Variants in C11orf58 observed in about 807,000 individuals in gnomAD.
The protein encoded by C11orf58 is chromosome 11 open reading frame 58.
C11orf58 carries 5 observed loss-of-function variants against 22.7 expected under a neutral mutation model. The observed-to-expected ratio is 0.22, with a 90% CI of 0.12 to 0.46. The LOEUF (loss-of-function observed/expected upper bound fraction) is 0.46. Ranked by LOEUF, C11orf58 falls within the 20% of genes least tolerant of loss-of-function variation. C11orf58 has a pLI of 0.99. For missense variants in C11orf58, 151 were observed against 223.3 expected, an observed-to-expected ratio of 0.68 and a Z score of 2.06; for synonymous variants, 71 against 70.7, an observed-to-expected ratio of 1.00 and a Z score of -0.02.
In C11orf58 at chr11:16,746,960, A is replaced by G. The variant is rs188106597; in HGVS notation, c.148-1137A>G. 1.3e-3 allele frequency: 204 copies of G among 152,364 alleles called. 1 individual carries two copies. The highest frequency in any genetic ancestry group is 3.4e-3 in the Middle Eastern group (1 of 294). The allele number at this position is 152,364 out of a possible 1,614,324, so 9.4% of individuals were successfully genotyped here. On this transcript the variant is annotated intron_variant, in intron 2 of 4. Transcript: ENST00000228136. ...CATAGATTAAATTCTTTGTGAGGCC[A>G]AGATTGTAGCTTTGATCTTCATATG...
At chr11:16,743,621 T>C (rs143721938) in intron 1 of C11orf58, among the ~76,000 whole-genome samples, 27 of 152,308 alleles carry the variant, frequency 1.8e-4, no homozygotes, top group Admixed American at 3.9e-4. Context: ...AAATGAAAAA[T>C]TGTGAATTCC....
rs1848584229 is a variant in C11orf58, at chr11:16,756,931, T to TAA, written c.*1828_*1829insAA. ...CTCAAAAAAAAAAAAAAAAAAAATTTAGAATGTGTTAGAGAAATTTAACAA... is the reference window on the plus strand; with the variant it reads ...CTCAAAAAAAAAAAAAAAAAAAATTTAAAGAATGTGTTAGAGAAATTTAACAA... On this transcript the variant is annotated 3_prime_UTR_variant, in exon 5 of 5. Transcript: ENST00000228136. The TAA allele has an allele frequency of 7.8e-6, 1 of 127,890 alleles. No homozygotes were observed. Among genetic ancestry groups the TAA allele is most frequent in the African/African-American group, 2.6e-5 (1 of 38,316 alleles). 7.9% of individuals were successfully genotyped at this position (127,890 alleles called of 1,614,324 possible). A position where few individuals can be genotyped will look rare whatever the true frequency, so the allele number is the denominator to read the frequency against.
intron 1 of C11orf58, among the ~76,000 whole-genome samples, chr11:16,744,057 A>G (rs1031181636): frequency 9.9e-5 from 15 of 151,924 alleles, no homozygotes; most frequent in Non-Finnish European, 1.6e-4. Context: ...TGCTAAAAAA[A>G]AAAAAAAAAA....
intron 4 of C11orf58, 66 bp from the exon 5 acceptor site, chr11:16,754,805 G>C (rs529032528): frequency 6.3e-7 from 1 of 1,583,038 alleles, no homozygotes; most frequent in Admixed American, 1.9e-5. Context: ...CAGAACTTAC[G>C]GTCTTTCTCA....
chr11:16,754,505 CTTTTTTCTTT>C (rs1320228173), intron 4 of C11orf58, among the ~76,000 whole-genome samples: 1 of 34,322 alleles, frequency 2.9e-5, no homozygotes, highest in African/African-American at 1.1e-4. Context: ...TAATTTTTTT[CTTTTTTCTTT>C]TTTTTTTTTT....
At chr11:16,746,765 G>A (rs965775978) in intron 2 of C11orf58, 5 of 152,120 alleles carry the variant, frequency 3.3e-5, no homozygotes, top group African/African-American at 1.2e-4. Flanking sequence ...GCAGTTCTCT[G>A]CCTCAGCCTC....
At position 16,744,700 on chromosome 11, in the gene C11orf58, T is replaced by G; in HGVS notation, c.147+16T>G. ...TGCAGGAAAGGTAAGCATCAGATGG[T>G]GTGCATTTTTACCTTTTCTGTGAAA... On this transcript the variant is annotated intron_variant, in intron 2 of 4. Transcript: ENST00000228136. 6.2e-7 allele frequency: 1 copy of G among 1,606,696 alleles called. No individual in the cohort carries two copies. Among genetic ancestry groups the G allele is most frequent in the Non-Finnish European group, 8.5e-7 (1 of 1,175,488 alleles).
intron 3 of C11orf58, chr11:16,751,285 A>G (rs61881966): frequency 0.23 from 34,940 of 152,100 alleles, 4,370 homozygotes; most frequent in Admixed American, 0.33. Flanking sequence ...CAGATCACTC[A>G]AGGCCAGGAG....
At position 16,757,313 on chromosome 11, in the gene C11orf58, T is replaced by G. The variant is rs1848588391; in HGVS notation, c.*2209T>G. Among the ~76,000 whole-genome samples the G allele has an allele frequency of 6.6e-6, 1 of 152,200 alleles. No homozygotes were observed. Among genetic ancestry groups the G allele is most frequent in the African/African-American group, 2.4e-5 (1 of 41,438 alleles). On this transcript the variant is annotated 3_prime_UTR_variant, in exon 5 of 5. Coordinates refer to ENST00000228136, the MANE Select transcript of C11orf58 (RefSeq NM_014267.6). Reference sequence around the variant, plus strand: ...AAGTATTTTCAGTTCATTATTTAAATGTTGGGTTGTTGATATGGTCTTGTT... The same window carrying G: ...AAGTATTTTCAGTTCATTATTTAAAGGTTGGGTTGTTGATATGGTCTTGTT...
Position 16,748,141 on chromosome 11 carries a change from A to T in C11orf58, c.192A>T (p.Thr64=). 6.2e-7 allele frequency: 1 copy of T among 1,612,976 alleles called. No homozygotes were observed. Among genetic ancestry groups the T allele is most frequent in the Non-Finnish European group, 8.5e-7 (1 of 1,179,084 alleles). ...TTGTTATAGGAGATCACAAATCAAC[A>T]TCTCACTTCCGAACCGGTAAGAAAG... The part of the protein sequence containing the change: ...GRLVIGDHKS[T]SHFRTGEEDK... Residue 64 remains threonine (T), a synonymous_variant, in exon 3 of 5, where the codon ACA becomes ACT. Transcript: ENST00000228136.
At chr11:16,753,014 T>C in intron 4 of C11orf58, 120 bp downstream of exon 4, 1 of 682,562 alleles carries the variant, frequency 1.5e-6, no homozygotes, top group South Asian at 2.1e-5. Context: ...TATGTAGTTA[T>C]CTTAAAAATA....
In C11orf58 at chr11:16,738,923, GC is replaced by G; in HGVS notation, c.63+83del. The G allele has an allele frequency of 2.7e-6, 4 of 1,503,492 alleles. No homozygotes were observed. The Admixed American group carries it at 6.9e-5, about 26-fold the overall frequency. 93.1% of individuals were successfully genotyped at this position (1,503,492 alleles called of 1,614,324 possible). Reference sequence around the variant, plus strand: ...CCGGGAAGGGTGGTTGGAGGAGGACGCGCCTGAGGTGGCCTGCAGCGGGAGA... The same window carrying G: ...CCGGGAAGGGTGGTTGGAGGAGGACGGCCTGAGGTGGCCTGCAGCGGGAGA... On this transcript the variant is annotated intron_variant, in intron 1 of 4. Coordinates refer to ENST00000228136, the MANE Select transcript of C11orf58 (RefSeq NM_014267.6).
At position 16,756,505 on chromosome 11, in the gene C11orf58, G is replaced by C. The variant is rs1240429439; in HGVS notation, c.*1401G>C. On this transcript the variant is annotated 3_prime_UTR_variant, in exon 5 of 5. Transcript: ENST00000228136. Reference sequence around the variant, plus strand: ...AGGATCGTCTCGATCTCCTGACCTCGTGATCCACCCACCTTGGCCTCCCAA... The same window carrying C: ...AGGATCGTCTCGATCTCCTGACCTCCTGATCCACCCACCTTGGCCTCCCAA... 6.6e-6 allele frequency: 1 copy of C among 151,698 alleles called. No homozygotes were observed. Among genetic ancestry groups the C allele is most frequent in the Non-Finnish European group, 1.5e-5 (1 of 67,994 alleles). 9.4% of individuals were successfully genotyped at this position (151,698 alleles called of 1,614,324 possible). A position where few individuals can be genotyped will look rare whatever the true frequency, so the allele number is the denominator to read the frequency against.
intron 2 of C11orf58, 113 bp downstream of exon 2, chr11:16,744,797 G>C: frequency 3.1e-6 from 3 of 973,274 alleles, no homozygotes; most frequent in Non-Finnish European, 4.6e-6. Context: ...TGTTCTGTGT[G>C]ATTTCTTTTG....
chr11:16,753,946 C>T (rs991430209), intron 4 of C11orf58: 7 of 556,912 alleles, frequency 1.3e-5, no homozygotes, highest in African/African-American at 3.8e-5. Context: ...GCGATCTTTC[C>T]GCCTTCCAAA....
In C11orf58 at chr11:16,757,410, G is replaced by A. The variant is rs1256342689; in HGVS notation, c.*2306G>A. ...AAGACTTTCTTCATCTCCGTATAGA[G>A]AAATCCAGATTTCAATTAATTCATT... On this transcript the variant is annotated 3_prime_UTR_variant, in exon 5 of 5. Transcript: ENST00000228136. Among the ~76,000 whole-genome samples, 3 of 152,184 alleles carry A rather than the reference G, an allele frequency of 2.0e-5. No individual in the cohort carries two copies. Among genetic ancestry groups the A allele is most frequent in the South Asian group, 2.1e-4 (1 of 4,836 alleles).
At chr11:16,744,050 TAA>T (rs554214406) in intron 1 of C11orf58, among the ~76,000 whole-genome samples, 19 of 108,124 alleles carry the variant, frequency 1.8e-4, no homozygotes, top group East Asian at 5.1e-4. Context: ...CTAGAACTGC[TAA>T]AAAAAAAAAA....
chr11:16,748,536 CACCAGCCTGGTCAACATGGCAAA>C (rs1848505882), intron 3 of C11orf58: 1 of 146,084 alleles, frequency 6.8e-6, no homozygotes, highest in African/African-American at 2.6e-5. Context: ...TGAGGCAAAT[CACCAGCCTGGTCAACATGGCAAA>C]ACCGTGTCTC....
chr11:16,746,394 C>T (rs1228785537), intron 2 of C11orf58, among the ~76,000 whole-genome samples: 2 of 152,078 alleles, frequency 1.3e-5, no homozygotes, highest in South Asian at 2.1e-4. Context: ...TGGAAACTAA[C>T]CTTTGGCAAA....
Sources: allele counts gnomAD v4.1 joint callset (sites outside exome capture counted in the v4.1 genomes callset), GRCh38; gene constraint gnomAD v4.1.1; transcripts MANE v1.5; gene names NCBI Gene and HGNC (gene_info 2026-07-23, HGNC 2026-07-21).